The following MCRS1 variants were observed in gnomAD, a reference collection of about 807,000 sequenced individuals.
The protein encoded by MCRS1 is microspherule protein 1, also known as 58 kDa microspherule protein.
In MCRS1, 22 loss-of-function variants were observed where a neutral mutation model predicts 62.9. The ratio of observed to expected loss-of-function variants is 0.35; its 90% CI spans 0.25 to 0.50. MCRS1 has a LOEUF of 0.50. MCRS1 is among the 20% of genes least tolerant of loss of function. The probability of loss-of-function intolerance (pLI) is 0.98; values close to 1 mark genes in which losing one functional copy is unlikely to be tolerated. For synonymous variants in MCRS1, 244 were observed against 233.5 expected (o/e 1.04, Z -0.41); for missense variants, 456 against 601.1 (o/e 0.76, Z 2.52).
chr12:49,566,419 TC>T (rs1260417044), intron 2 of MCRS1: 4 of 1,577,024 alleles, frequency 2.5e-6, no homozygotes, highest in East Asian at 2.3e-5. Context: ...GCTGGGCAGT[TC>T]CCCCGGTGCC....
chr12:49,567,032 G>A (rs1939100045), intron 1 of MCRS1, among the ~76,000 whole-genome samples, 191 bp from the exon 2 acceptor site: 1 of 152,212 alleles, frequency 6.6e-6, no homozygotes, highest in Non-Finnish European at 1.5e-5. Flanking sequence ...GCACCTTTCA[G>A]AGTATGATAA....
chr12:49,560,187 C>T lies in MCRS1; in HGVS notation c.881+108G>A, dbSNP rs1430101582. On this transcript the variant is annotated intron_variant, in intron 9 of 14. Transcript: ENST00000343810. ...GGGGAGGGGGCTCAGCCAGGGGGGGCCAAGCACCAACGGGAGCCCAAGGGC... is the reference window on the plus strand; with the variant it reads ...GGGGAGGGGGCTCAGCCAGGGGGGGTCAAGCACCAACGGGAGCCCAAGGGC... The T allele has an allele frequency of 4.5e-6, 6 of 1,320,150 alleles. No individual in the cohort carries two copies. The African/African-American group carries it at 8.7e-5, about 19-fold the overall frequency. 81.8% of individuals were successfully genotyped at this position (1,320,150 alleles called of 1,614,324 possible). A position where few individuals can be genotyped will look rare whatever the true frequency, so the allele number is the denominator to read the frequency against.
intron 1 of MCRS1, 78 bp downstream of exon 1, chr12:49,567,970 C>T (rs1261626241): frequency 1.3e-5 from 2 of 152,182 alleles, no homozygotes; most frequent in South Asian, 4.1e-4. Flanking sequence ...GGGTGGTCGT[C>T]CCCGGCGGCA....
rs1938563170 is a variant in MCRS1, at chr12:49,558,394, T to C, written c.*249A>G. The C allele has an allele frequency of 3.9e-6, 2 of 518,520 alleles. No homozygotes were observed. Among genetic ancestry groups the C allele is most frequent in the Admixed American group, 3.5e-5 (1 of 28,682 alleles). 32.1% of individuals were successfully genotyped at this position (518,520 alleles called of 1,614,324 possible). A position where few individuals can be genotyped will look rare whatever the true frequency, so the allele number is the denominator to read the frequency against. ...GGAGACACAGGAGTGAAGGTGGCAATGGGGGGTAGGGTTGTTTTTAGAGAG... is the reference window on the plus strand; with the variant it reads ...GGAGACACAGGAGTGAAGGTGGCAACGGGGGGTAGGGTTGTTTTTAGAGAG... On this transcript the variant is annotated 3_prime_UTR_variant, in exon 15 of 15. Coordinates refer to ENST00000343810, the MANE Select transcript of MCRS1 (RefSeq NM_006337.5).
intron 8 of MCRS1, 69 bp downstream of exon 8, chr12:49,562,932 C>T (rs974310138): frequency 1.1e-5 from 17 of 1,510,038 alleles, no homozygotes; most frequent in South Asian, 2.6e-5. Flanking sequence ...GCAGCTGTGT[C>T]GAGTACTTCA....
Position 49,563,117 on chromosome 12 carries a change from G to A in MCRS1, c.689C>T (p.Thr230Ile). The change falls in exon 8 of 15, where the codon ACC becomes ATC. Residue 230 changes from threonine (T) to isoleucine (I), a missense_variant. By Grantham distance (89) the Thr-to-Ile change is moderately conservative. Around this residue, in one of 3 missense-constraint regions of MCRS1, gnomAD observed 393 missense variants for 523.5 expected, o/e 0.75. Transcript: ENST00000343810. ...GTGTCTGTGCAGCAGGTCCTGGAAG[G>A]TCTCCAAGGTGGGCTGGCTGGTCTA... ...VGSTSQPTLE[T>I]FQDLLHRHPD... The A allele has an allele frequency of 6.4e-7, 1 of 1,563,400 alleles. No homozygotes were observed. The highest frequency in any genetic ancestry group is 1.4e-5 in the African/African-American group (1 of 73,752).
intron 6 of MCRS1, among the ~76,000 whole-genome samples, chr12:49,563,758 T>C (rs750558706): frequency 6.6e-6 from 1 of 152,222 alleles, no homozygotes; most frequent in Non-Finnish European, 1.5e-5. Context: ...GAGGCCCCTA[T>C]GTCCCCTTCA....
intron 7 of MCRS1, 149 bp from the exon 8 acceptor site, chr12:49,563,288 C>A: frequency 7.2e-7 from 1 of 1,397,078 alleles, no homozygotes; most frequent in Non-Finnish European, 9.8e-7. Flanking sequence ...CTTCCTGAGG[C>A]CCCTGTCACA....
chr12:49,558,833 C>T lies in MCRS1; in HGVS notation c.1302+10G>A. ...CTCATCCTGGCCTTCCTGCCTCCTCCCCAGCTCACCTCCACCACAGAGTTG... is the reference window on the plus strand; with the variant it reads ...CTCATCCTGGCCTTCCTGCCTCCTCTCCAGCTCACCTCCACCACAGAGTTG... On this transcript the variant is annotated intron_variant, in intron 14 of 14. Coordinates refer to ENST00000343810, the MANE Select transcript of MCRS1 (RefSeq NM_006337.5). 6.2e-7 allele frequency: 1 copy of T among 1,613,228 alleles called. No individual in the cohort carries two copies. The highest frequency in any genetic ancestry group is 1.1e-5 in the South Asian group (1 of 91,080).
chr12:49,560,452 AGCTGCAGACTGC>A, intron 8 of MCRS1, 82 bp from the exon 9 acceptor site: 1 of 1,274,718 alleles, frequency 7.8e-7, no homozygotes. Context: ...CAAGTGGACC[AGCTGCAGACTGC>A]GCTGGGTGGA....
intron 6 of MCRS1, among the ~76,000 whole-genome samples, chr12:49,564,125 TAGG>T (rs1214040490): frequency 6.6e-6 from 1 of 152,108 alleles, no homozygotes; most frequent in African/African-American, 2.4e-5. Flanking sequence ...GATGAAACTG[TAGG>T]AGGTCAATGT....
At chr12:49,566,484 C>G (rs557933233) in intron 2 of MCRS1, 1 of 1,552,774 alleles carries the variant, frequency 6.4e-7, no homozygotes, top group East Asian at 2.4e-5. Flanking sequence ...GATGCCGACA[C>G]GCTGGGCTCT....
chr12:49,559,718 G>A lies in MCRS1; in HGVS notation c.1003+11C>T, dbSNP rs1293289133. On this transcript the variant is annotated intron_variant, in intron 11 of 14. Transcript: ENST00000343810. This position sits in a 1 kb window ranked among gnomAD's most constrained non-coding sequence, Gnocchi z 5.2. ...TGAAGAGTGAGCCTTCTGGTGCCCA[G>A]GCCTCCTCACCTGTGATGCTGTCCA... is the stretch of plus-strand genomic sequence containing the variant. 2 of 1,613,828 alleles carry A rather than the reference G, an allele frequency of 1.2e-6. No homozygotes were observed. Among genetic ancestry groups the A allele is most frequent in the African/African-American group, 2.7e-5 (2 of 74,932 alleles).
Position 49,558,480 on chromosome 12 carries a change from T to G in MCRS1, c.*163A>C. 1.5e-6 allele frequency: 1 copy of G among 685,478 alleles called. No homozygotes were observed. Among genetic ancestry groups the G allele is most frequent in the South Asian group, 2.0e-5 (1 of 49,444 alleles). The allele number at this position is 685,478 out of a possible 1,614,324, so 42.5% of individuals were successfully genotyped here. Reference sequence around the variant, plus strand: ...CTGAGGTTCTCAGCCTCTGCTGGCTTCACAAAGGCCAGCCCTATCCTCCCT... The same window carrying G: ...CTGAGGTTCTCAGCCTCTGCTGGCTGCACAAAGGCCAGCCCTATCCTCCCT... On this transcript the variant is annotated 3_prime_UTR_variant, in exon 15 of 15. Transcript: ENST00000343810.
intron 7 of MCRS1, 49 bp from the exon 8 acceptor site, chr12:49,563,188 C>T (rs1037932357): frequency 1.3e-6 from 2 of 1,544,874 alleles, no homozygotes; most frequent in African/African-American, 2.7e-5. Flanking sequence ...TTCACACATG[C>T]CTCTCTGCCT....
chr12:49,562,720 G>A (rs949133953), intron 8 of MCRS1, among the ~76,000 whole-genome samples: 2 of 152,114 alleles, frequency 1.3e-5, no homozygotes, highest in African/African-American at 2.4e-5. Flanking sequence ...AATATGTCAT[G>A]AAAAAAACAA....
At position 49,564,503 on chromosome 12, in the gene MCRS1, G is replaced by C. The variant is rs1178133550; in HGVS notation, c.535C>G (p.Leu179Val). 1 of 1,613,138 alleles carries C rather than the reference G, an allele frequency of 6.2e-7. No individual in the cohort carries two copies. The highest frequency in any genetic ancestry group is 1.3e-5 in the African/African-American group (1 of 74,910). Residue 179 changes from leucine to valine, a missense_variant, in exon 6 of 15, where the codon CTC (leucine) becomes GTC (valine). Coordinates refer to ENST00000343810, the MANE Select transcript of MCRS1 (RefSeq NM_006337.5). ...REVQERWYAL[L>V]YDPVISKLAC... ...CACTTGGAGATGACAGGATCGTAGAGCAGGGCGTACCAACGCTCCTGGACC... is the reference window on the plus strand; with the variant it reads ...CACTTGGAGATGACAGGATCGTAGACCAGGGCGTACCAACGCTCCTGGACC...
Position 49,558,593 on chromosome 12 carries a change from G to A in MCRS1, c.*50C>T. On this transcript the variant is annotated 3_prime_UTR_variant, in exon 15 of 15. Transcript: ENST00000343810. Reference sequence around the variant, plus strand: ...GAGTTCCCAGCTCAAGGGGGCTGGAGTGGCAGGGGAAACAGGCCGGAGAGG... The same window carrying A: ...GAGTTCCCAGCTCAAGGGGGCTGGAATGGCAGGGGAAACAGGCCGGAGAGG... 1 of 1,579,364 alleles carries A rather than the reference G, an allele frequency of 6.3e-7. No individual in the cohort carries two copies. Among genetic ancestry groups the A allele is most frequent in the South Asian group, 1.1e-5 (1 of 89,928 alleles).
chr12:49,558,698 T>C lies in MCRS1; in HGVS notation c.1334A>G (p.Asn445Ser). 1 of 1,613,836 alleles carries C rather than the reference T, an allele frequency of 6.2e-7. No individual in the cohort carries two copies. Among genetic ancestry groups the C allele is most frequent in the Non-Finnish European group, 8.5e-7 (1 of 1,180,022 alleles). ...CCTGATGAGGGCAATGAGGTCCTGG[T>C]TGATAAGGAAGACGAATCGCAGGCT... is the stretch of plus-strand genomic sequence containing the variant. The part of the protein sequence containing the change: ...IASLRFVFLI[N>S]QDLIALIRAE... The change falls in exon 15 of 15, where the codon AAC (asparagine) becomes AGC (serine). Residue 445 changes from asparagine (N) to serine (S), a missense_variant. Around this residue, in one of 3 missense-constraint regions of MCRS1, gnomAD observed 393 missense variants for 523.5 expected, o/e 0.75. Transcript: ENST00000343810.
Sources: allele counts gnomAD v4.1 joint callset (sites outside exome capture counted in the v4.1 genomes callset), GRCh38; gene constraint gnomAD v4.1.1; regional missense constraint gnomAD v4.1.1; non-coding constraint Gnocchi (gnomAD v3.1); transcripts MANE v1.5; gene names NCBI Gene and HGNC (gene_info 2026-07-23, HGNC 2026-07-21).